ATRNL1: variants seen among roughly 807,000 people sequenced by gnomAD.
ATRNL1 encodes the protein attractin-like protein 1.
In ATRNL1, 95 loss-of-function variants were observed where a neutral mutation model predicts 182.7. That is an observed-to-expected ratio of 0.52 (90% CI 0.44 to 0.62). The LOEUF is 0.62. ATRNL1 is among the 20% of genes least tolerant of loss of function. The pLI is 0.00. For synonymous variants in ATRNL1, 576 were observed against 568.3 expected, an observed-to-expected ratio of 1.01 and a Z score of -0.19; for missense variants, 1,471 against 1,679.5, an observed-to-expected ratio of 0.88 and a Z score of 2.17.
intron 10 of ATRNL1, among the ~76,000 whole-genome samples, chr10:115,245,381 C>A (rs782722977): frequency 6.6e-6 from 1 of 151,374 alleles, no homozygotes; most frequent in Admixed American, 6.6e-5. Flanking sequence ...TGCCTGTAAT[C>A]CTGGCTACTC....
intron 26 of ATRNL1, among the ~76,000 whole-genome samples, chr10:115,598,350 A>ATTTAT (rs60852354): frequency 0.026 from 3,838 of 145,816 alleles, 179 homozygotes; most frequent in African/African-American, 0.091. Context: ...ATTTAAAAAA[A>ATTTAT]TTATTTATTT....
At chr10:115,136,069 G>A (rs1320623969) in intron 5 of ATRNL1, among the ~76,000 whole-genome samples, 1 of 150,362 alleles carries the variant, frequency 6.7e-6, no homozygotes, top group African/African-American at 2.5e-5. Context: ...TTTCTATGTT[G>A]CTCAGACTGG....
intron 25 of ATRNL1, among the ~76,000 whole-genome samples, chr10:115,527,854 C>G (rs1421637683): frequency 8.7e-6 from 1 of 114,302 alleles, no homozygotes; most frequent in African/African-American, 3.3e-5. Context: ...CCTTCCTTAT[C>G]CTTCCTTCCT....
At chr10:115,391,345 G>T (rs1275236907) in intron 19 of ATRNL1, among the ~76,000 whole-genome samples, 1 of 152,142 alleles carries the variant, frequency 6.6e-6, no homozygotes, top group Admixed American at 6.5e-5. Context: ...CCTTTATTGT[G>T]TTGAGGCCTG....
chr10:115,619,547 T>C (rs949321858), intron 26 of ATRNL1, among the ~76,000 whole-genome samples: 1 of 152,176 alleles, frequency 6.6e-6, no homozygotes, highest in Non-Finnish European at 1.5e-5. Context: ...ATTGACAGAC[T>C]CCAGGCAGTC....
At chr10:115,438,078 T>C (rs1846488954) in intron 21 of ATRNL1, among the ~76,000 whole-genome samples, 1 of 152,006 alleles carries the variant, frequency 6.6e-6, no homozygotes. Context: ...AAAAGCAAAT[T>C]ATTAAGCTGC....
At chr10:115,179,891 C>G (rs1847681674) in intron 8 of ATRNL1, among the ~76,000 whole-genome samples, 1 of 152,038 alleles carries the variant, frequency 6.6e-6, no homozygotes, top group Non-Finnish European at 1.5e-5. Flanking sequence ...TATTTATCAT[C>G]TTTCAAGAGT....
rs549136263 is a variant in ATRNL1, at chr10:115,910,626, T to G, written c.4019-34032T>G. 2.0e-5 allele frequency among the ~76,000 whole-genome samples: 3 copies of G among 152,292 alleles called. 1 individual carries two copies. The South Asian group carries it at 6.2e-4, about 32-fold the overall frequency. ...CTAACCTTTAATGCACTATACAGGA[T>G]ATATATGTGTGTAGAACAGAATTTT... On this transcript the variant is annotated intron_variant, in intron 28 of 28. Coordinates refer to ENST00000355044, the MANE Select transcript of ATRNL1 (RefSeq NM_207303.4).
intron 19 of ATRNL1, among the ~76,000 whole-genome samples, chr10:115,352,793 G>A (rs577188872): frequency 4.5e-4 from 68 of 152,194 alleles, no homozygotes; most frequent in African/African-American, 1.4e-3. Flanking sequence ...CCAGCTACTC[G>A]GGAGGCTGAG....
chr10:115,273,829 A>T (rs1851980290), intron 13 of ATRNL1, among the ~76,000 whole-genome samples: 1 of 152,140 alleles, frequency 6.6e-6, no homozygotes, highest in South Asian at 2.1e-4. Context: ...CTCTTCATGT[A>T]ACGTAGTTGC....
chr10:115,643,788 CA>C (rs1185089607), intron 26 of ATRNL1, among the ~76,000 whole-genome samples: 1 of 152,082 alleles, frequency 6.6e-6, no homozygotes, highest in African/African-American at 2.4e-5. Flanking sequence ...CACACATGCA[CA>C]CCCCCAAACA....
At chr10:115,164,262 G>A (rs1179836855) in intron 6 of ATRNL1, among the ~76,000 whole-genome samples, 2 of 152,048 alleles carry the variant, frequency 1.3e-5, no homozygotes, top group African/African-American at 4.8e-5. Flanking sequence ...TTTTATAGAA[G>A]CTTCTCTACT....
At chr10:115,897,631 A>G (rs1170602166) in intron 28 of ATRNL1, among the ~76,000 whole-genome samples, 1 of 152,202 alleles carries the variant, frequency 6.6e-6, no homozygotes, top group African/African-American at 2.4e-5. Context: ...ACAAAGGGAC[A>G]GGCACTCTCG....
chr10:115,785,235 G>T (rs1555080133), intron 27 of ATRNL1, among the ~76,000 whole-genome samples: 1 of 152,218 alleles, frequency 6.6e-6, no homozygotes, highest in Non-Finnish European at 1.5e-5. Context: ...GGGAGCAAAT[G>T]AAAGGAATAA....
chr10:115,431,034 T>C (rs782427837), intron 21 of ATRNL1, among the ~76,000 whole-genome samples: 1 of 152,164 alleles, frequency 6.6e-6, no homozygotes, highest in Non-Finnish European at 1.5e-5. Context: ...AAGAGTCATA[T>C]CATGTCTGTT....
intron 14 of ATRNL1, among the ~76,000 whole-genome samples, chr10:115,285,611 A>G (rs1287090927): frequency 1.3e-5 from 2 of 152,082 alleles, no homozygotes; most frequent in Non-Finnish European, 2.9e-5. Flanking sequence ...ACTGAACAGT[A>G]TGTTTCATTT....
chr10:115,326,712 C>T (rs1199197915), intron 18 of ATRNL1, among the ~76,000 whole-genome samples: 1 of 151,770 alleles, frequency 6.6e-6, no homozygotes, highest in African/African-American at 2.4e-5. Context: ...ACCAAAACAG[C>T]ATGGTACTGG....
intron 18 of ATRNL1, among the ~76,000 whole-genome samples, chr10:115,328,878 T>C (rs1385868903): frequency 6.6e-6 from 1 of 152,168 alleles, no homozygotes; most frequent in Non-Finnish European, 1.5e-5. Flanking sequence ...GGTATTTAGG[T>C]TGATCCTATA....
chr10:115,133,659 A>G (rs1263242036), intron 5 of ATRNL1, among the ~76,000 whole-genome samples: 2 of 152,164 alleles, frequency 1.3e-5, no homozygotes, highest in East Asian at 3.9e-4. Context: ...GTTAACAGCG[A>G]TATCCAGGAA....
Sources: allele counts gnomAD v4.1 joint callset (sites outside exome capture counted in the v4.1 genomes callset), GRCh38; gene constraint gnomAD v4.1.1; transcripts MANE v1.5; gene names NCBI Gene and HGNC (gene_info 2026-07-23, HGNC 2026-07-21).